The following RLN1 variants were observed in gnomAD, a reference collection of about 807,000 sequenced individuals.
RLN1 encodes the protein prorelaxin H1.
Under a neutral mutation model 7.2 loss-of-function variants are expected in RLN1, and 4 were observed. That is an observed-to-expected ratio of 0.56 (90% CI 0.28 to 1.28). The LOEUF (loss-of-function observed/expected upper bound fraction) is 1.28, where lower values mean the gene tolerates loss of function less well. Ranked by LOEUF, RLN1 falls within the 50% of genes most tolerant of loss-of-function variation. The pLI, the probability that RLN1 is intolerant of heterozygous loss-of-function variation, is 0.11. For missense variants in RLN1, 293 were observed against 221.1 expected (o/e 1.32, Z -2.06); for synonymous variants, 105 against 86.0 (o/e 1.22, Z -1.22).
upstream of RLN1, among the ~76,000 whole-genome samples, chr9:5,340,102 T>C (rs530309217): frequency 6.6e-6 from 1 of 152,328 alleles, no homozygotes; most frequent in East Asian, 1.9e-4. Context: ...ATATGAAGCC[T>C]TTCTTTTTAC....
In RLN1 at chr9:5,339,863, C is replaced by A. The variant is rs147602636; in HGVS notation, c.-117G>T. The A allele has an allele frequency of 7.8e-6, 8 of 1,030,668 alleles. No individual in the cohort carries two copies. The Admixed American group carries it at 1.7e-4, about 22-fold the overall frequency. 63.8% of individuals were successfully genotyped at this position (1,030,668 alleles called of 1,614,324 possible). A position where few individuals can be genotyped will look rare whatever the true frequency, so the allele number is the denominator to read the frequency against. On this transcript the variant is annotated 5_prime_UTR_variant, in exon 1 of 2. Transcript: ENST00000223862. The stretch of plus-strand genomic sequence containing the variant: ...CCGGGCTTTAGGCTGCTTTCCCTAC[C>A]CGGCTCAACCAGTCTTTAGTATGGG...
chr9:5,335,509 T>G lies in RLN1; in HGVS notation c.300A>C (p.Ala100=). The G allele has an allele frequency of 3.1e-6, 5 of 1,613,292 alleles. No homozygotes were observed. Among genetic ancestry groups the G allele is most frequent in the African/African-American group, 1.3e-5 (1 of 74,922 alleles). Residue 100 remains alanine, a synonymous_variant, in exon 2 of 2, where the codon GCA becomes GCC. Transcript: ENST00000223862. ...FIANLPPELK[A]ALSERQPSLP... Reference sequence around the variant, plus strand: ...ATGATGGTTGCCTCTCAGATAGGGCTGCCTTCAGCTCCGGTGGCAAATTAG... The same window carrying G: ...ATGATGGTTGCCTCTCAGATAGGGCGGCCTTCAGCTCCGGTGGCAAATTAG...
intron 1 of RLN1, among the ~76,000 whole-genome samples, chr9:5,337,852 A>C (rs1340183277): frequency 6.6e-6 from 1 of 152,048 alleles, no homozygotes; most frequent in South Asian, 2.1e-4. Flanking sequence ...TACAAATGTG[A>C]TTAATGATTT....
Position 5,335,324 on chromosome 9 carries a change from C to T in RLN1, c.485G>A (p.Arg162Gln), listed in dbSNP as rs1441960380. 22 of 1,611,712 alleles carry T rather than the reference C, an allele frequency of 1.4e-5. No individual in the cohort carries two copies. The highest frequency in any genetic ancestry group is 1.6e-4 in the Middle Eastern group (1 of 6,064). Residue 162 changes from arginine (R) to glutamine (Q), a missense_variant, in exon 2 of 2, where the codon CGA (arginine) becomes CAA (glutamine). Transcript: ENST00000223862. ...TTTCTCAAACAGTGCCACGTAGGGT[C>T]GTCTCTTTTTTTGAGAATGAGTATC... Reference protein sequence around the residue: ...GLDTHSQKKRRPYVALFEKCC... With the variant: ...GLDTHSQKKRQPYVALFEKCC...
rs1482462397 is a variant in RLN1, at chr9:5,339,520, G to C, written c.211+16C>G. Reference sequence around the variant, plus strand: ...TGGGAAGCGCGGGAAGGCCGGGAGGGGGCGGGAGCTCTCACCTGCCACTGG... The same window carrying C: ...TGGGAAGCGCGGGAAGGCCGGGAGGCGGCGGGAGCTCTCACCTGCCACTGG... On this transcript the variant is annotated intron_variant, in intron 1 of 1. Transcript: ENST00000223862. 2.0e-6 allele frequency: 3 copies of C among 1,523,646 alleles called. No homozygotes were observed. Among genetic ancestry groups the C allele is most frequent in the Non-Finnish European group, 2.7e-6 (3 of 1,129,698 alleles). 94.4% of individuals were successfully genotyped at this position (1,523,646 alleles called of 1,614,324 possible).
At position 5,335,425 on chromosome 9, in the gene RLN1, T is replaced by G; in HGVS notation, c.384A>C (p.Glu128Asp). The change falls in exon 2 of 2, where the codon GAA becomes GAC. Residue 128 changes from glutamate to aspartate, a missense_variant. Physicochemically the swap from Glu to Asp is conservative, Grantham distance 45 (BLOSUM62 2). Coordinates refer to ENST00000223862, the MANE Select transcript of RLN1 (RefSeq NM_006911.4). ...ALKDSNLSFEEFKKLIRNRQS... is the reference protein window; with the variant it reads ...ALKDSNLSFEDFKKLIRNRQS... ...GCCTATTGCGAATAAGTTTCTTAAATTCTTCAAAGCTAAGATTGGAATCCT... is the reference window on the plus strand; with the variant it reads ...GCCTATTGCGAATAAGTTTCTTAAAGTCTTCAAAGCTAAGATTGGAATCCT... The G allele has an allele frequency of 5.0e-6, 8 of 1,613,808 alleles. No homozygotes were observed. Among genetic ancestry groups the G allele is most frequent in the Non-Finnish European group, 6.8e-6 (8 of 1,179,856 alleles).
rs761326778 is a variant in RLN1 at position 5,335,578 on chromosome 9, G to A, written c.231C>T (p.Ile77=). The A allele has an allele frequency of 6.2e-7, 1 of 1,606,416 alleles. No individual in the cohort carries two copies. Among genetic ancestry groups the A allele is most frequent in the African/African-American group, 1.3e-5 (1 of 74,572 alleles). ...RPVAEIVPSF[I]NKDTETIIIM... ...TAATTATAGTTTCTGTATCTTTGTTGATGAAGGATGGTACAATTTCTGTTA... is the reference window on the plus strand; with the variant it reads ...TAATTATAGTTTCTGTATCTTTGTTAATGAAGGATGGTACAATTTCTGTTA... The change falls in exon 2 of 2, where the codon ATC becomes ATT. Residue 77 remains isoleucine (I), a synonymous_variant. Transcript: ENST00000223862.
intron 1 of RLN1, among the ~76,000 whole-genome samples, chr9:5,337,049 ACT>A (rs1247514621): frequency 6.6e-6 from 1 of 151,810 alleles, no homozygotes; most frequent in Non-Finnish European, 1.5e-5. Context: ...TGCCCCTAAC[ACT>A]CTCGCTCATC....
Position 5,339,866 on chromosome 9 carries a change from G to A in RLN1, c.-120C>T, listed in dbSNP as rs1337939796. The stretch of plus-strand genomic sequence containing the variant: ...GGCTTTAGGCTGCTTTCCCTACCCG[G>A]CTCAACCAGTCTTTAGTATGGGCTA... On this transcript the variant is annotated 5_prime_UTR_variant, in exon 1 of 2. Transcript: ENST00000223862. 7 of 1,007,014 alleles carry A rather than the reference G, an allele frequency of 7.0e-6. No homozygotes were observed. Among genetic ancestry groups the A allele is most frequent in the South Asian group, 3.0e-5 (2 of 66,482 alleles). 62.4% of individuals were successfully genotyped at this position (1,007,014 alleles called of 1,614,324 possible).
intron 1 of RLN1, among the ~76,000 whole-genome samples, chr9:5,337,006 AAAC>A (rs1453322644): frequency 6.6e-6 from 1 of 152,084 alleles, no homozygotes; most frequent in Non-Finnish European, 1.5e-5. Context: ...AAACAAAACA[AAAC>A]AAAACAAAAA....
chr9:5,335,285 C>T lies in RLN1; in HGVS notation c.524G>A (p.Gly175Asp). 1 of 1,598,432 alleles carries T rather than the reference C, an allele frequency of 6.3e-7. No homozygotes were observed. The highest frequency in any genetic ancestry group is 8.5e-7 in the Non-Finnish European group (1 of 1,175,668). The change falls in exon 2 of 2, where the codon GGT (glycine) becomes GAT (aspartate). Residue 175 changes from glycine (G) to aspartate (D), a missense_variant. Gly to Asp is a moderately conservative substitution (Grantham distance 94, BLOSUM62 -1). Transcript: ENST00000223862. ...TTTAGCAAGAGACCTTTTGGTACAACCAATTAGGCAACATTTCTCAAACAG... is the reference window on the plus strand; with the variant it reads ...TTTAGCAAGAGACCTTTTGGTACAATCAATTAGGCAACATTTCTCAAACAG... ...VALFEKCCLI[G>D]CTKRSLAKYC
chr9:5,339,754 C>T lies in RLN1; in HGVS notation c.-8G>A. 3 of 1,613,544 alleles carry T rather than the reference C, an allele frequency of 1.9e-6. No homozygotes were observed. The highest frequency in any genetic ancestry group is 2.2e-5 in the South Asian group (2 of 91,062). On this transcript the variant is annotated 5_prime_UTR_variant, in exon 1 of 2. Transcript: ENST00000223862. Reference sequence around the variant, plus strand: ...CAAGAACAGGCGAGGCATCCTGGGCCTGGTCTCTCCTGGAGGTCTGGGTGT... The same window carrying T: ...CAAGAACAGGCGAGGCATCCTGGGCTTGGTCTCTCCTGGAGGTCTGGGTGT...
Position 5,339,641 on chromosome 9 carries a change from C to A in RLN1, c.106G>T (p.Gly36Cys). The A allele has an allele frequency of 6.2e-7, 1 of 1,612,690 alleles. No homozygotes were observed. The highest frequency in any genetic ancestry group is 8.5e-7 in the Non-Finnish European group (1 of 1,180,018). ...ATCTGCGCGCGAACTAATTCGCGGCCGCATAATTTAATAACATCGTCCTTC... is the reference window on the plus strand; with the variant it reads ...ATCTGCGCGCGAACTAATTCGCGGCAGCATAATTTAATAACATCGTCCTTC... ...KWKDDVIKLC[G>C]RELVRAQIAI... is the part of the protein sequence containing the mutation. The change falls in exon 1 of 2, where the codon GGC becomes TGC. Residue 36 changes from glycine (G) to cysteine (C), a missense_variant. By Grantham distance (159) the Gly-to-Cys change is radical. Transcript: ENST00000223862.
chr9:5,335,660 A>G, intron 1 of RLN1, 63 bp from the exon 2 acceptor site: 1 of 1,019,454 alleles, frequency 9.8e-7, no homozygotes, highest in South Asian at 1.6e-5. Context: ...ATTCAGAAAA[A>G]CTGTGAATGT....
upstream of RLN1, among the ~76,000 whole-genome samples, chr9:5,340,045 T>G (rs1275754238): frequency 6.6e-6 from 1 of 152,216 alleles, no homozygotes; most frequent in Non-Finnish European, 1.5e-5. Context: ...TTTTCGCTCT[T>G]TTGTTACCCT....
chr9:5,337,905 C>G (rs1467962305), intron 1 of RLN1, among the ~76,000 whole-genome samples: 1 of 151,982 alleles, frequency 6.6e-6, no homozygotes, highest in Non-Finnish European at 1.5e-5. Flanking sequence ...ACCAAAGAAT[C>G]TTTAAGTTTA....
At chr9:5,335,739 A>G (rs1407125860) in intron 1 of RLN1, 142 bp from the exon 2 acceptor site, 6 of 619,592 alleles carry the variant, frequency 9.7e-6, no homozygotes, top group African/African-American at 9.3e-5. Flanking sequence ...AAGCATCCTA[A>G]TATCTAAACA....
At chr9:5,339,880 T>C, upstream of RLN1, 1 of 832,354 alleles carries the variant, frequency 1.2e-6, no homozygotes, top group East Asian at 2.6e-5. Flanking sequence ...AACCAGTCTT[T>C]AGTATGGGCT....
intron 1 of RLN1, among the ~76,000 whole-genome samples, chr9:5,336,062 A>T (rs1816884909): frequency 6.6e-6 from 1 of 151,990 alleles, no homozygotes; most frequent in Non-Finnish European, 1.5e-5. Context: ...TAAGCTACTC[A>T]ATGTTTCGTG....
Sources: allele counts gnomAD v4.1 joint callset (sites outside exome capture counted in the v4.1 genomes callset), GRCh38; gene constraint gnomAD v4.1.1; transcripts MANE v1.5; gene names NCBI Gene and HGNC (gene_info 2026-07-23, HGNC 2026-07-21).